ERBB4: variants seen among roughly 807,000 people sequenced by gnomAD.
ERBB4 encodes erb-b2 receptor tyrosine kinase 4.
Under a neutral mutation model 158.0 loss-of-function variants are expected in ERBB4, and 42 were observed. The ratio of observed to expected loss-of-function variants is 0.27; its 90% confidence interval spans 0.21 to 0.34. The LOEUF (loss-of-function observed/expected upper bound fraction) is 0.34. ERBB4 is among the 10% of genes least tolerant of loss of function. ERBB4 has a pLI of 1.00. For missense variants in ERBB4, 1,333 were observed against 1,624.1 expected (o/e 0.82, Z 3.08); for synonymous variants, 583 against 558.7 (o/e 1.04, Z -0.61).
At chr2:211,422,536 T>G (rs986663560) in intron 23 of ERBB4, among the ~76,000 whole-genome samples, 9 of 151,712 alleles carry the variant, frequency 5.9e-5, no homozygotes, top group Admixed American at 5.3e-4. Context: ...TAATGCCTGT[T>G]CAGCAATAGA....
At chr2:212,452,203 A>G (rs142130808) in intron 1 of ERBB4, among the ~76,000 whole-genome samples, 6 of 152,226 alleles carry the variant, frequency 3.9e-5, no homozygotes, top group African/African-American at 1.2e-4. Context: ...GACCTTGCAT[A>G]TTTTATTAAC....
intron 2 of ERBB4, among the ~76,000 whole-genome samples, chr2:212,014,212 G>C (rs980553244): frequency 6.6e-6 from 1 of 152,172 alleles, no homozygotes; most frequent in Non-Finnish European, 1.5e-5. Context: ...CAAAGTGGAA[G>C]ATTATAGAAT....
chr2:211,887,760 C>G (rs1575319725), intron 3 of ERBB4, among the ~76,000 whole-genome samples: 1 of 152,204 alleles, frequency 6.6e-6, no homozygotes, highest in East Asian at 1.9e-4. Flanking sequence ...ACTTGTAGTA[C>G]CTAAACATAC....
At chr2:211,825,984 A>T (rs2077092708) in intron 3 of ERBB4, among the ~76,000 whole-genome samples, 1 of 150,602 alleles carries the variant, frequency 6.6e-6, no homozygotes, top group African/African-American at 2.4e-5. Flanking sequence ...TCCAAGTTAG[A>T]CTAACATTTT....
chr2:211,960,227 T>C (rs1052783948), intron 2 of ERBB4, among the ~76,000 whole-genome samples: 22 of 152,128 alleles, frequency 1.4e-4, no homozygotes, highest in African/African-American at 4.6e-4. Flanking sequence ...TCATAGCAGA[T>C]AGTGAGGAAG....
At chr2:212,531,783 C>T (rs1692770941) in intron 1 of ERBB4, among the ~76,000 whole-genome samples, 2 of 152,114 alleles carry the variant, frequency 1.3e-5, no homozygotes, top group African/African-American at 4.8e-5. Flanking sequence ...ACAGATAGTA[C>T]TGTGGGCTCC....
chr2:211,393,765 G>A (rs1486754751), intron 25 of ERBB4, among the ~76,000 whole-genome samples: 2 of 149,260 alleles, frequency 1.3e-5, no homozygotes, highest in East Asian at 1.9e-4. Flanking sequence ...GTGTGTGTGT[G>A]TGTGTGTGTG....
intron 16 of ERBB4, among the ~76,000 whole-genome samples, chr2:211,655,003 TAA>T (rs1444762361): frequency 2.6e-5 from 4 of 152,346 alleles, no homozygotes; most frequent in African/African-American, 9.6e-5. Flanking sequence ...TGCTTTTGTT[TAA>T]ATTTTGAAAA....
At chr2:211,998,225 T>C in intron 2 of ERBB4, among the ~76,000 whole-genome samples, 1 of 151,774 alleles carries the variant, frequency 6.6e-6, no homozygotes. Flanking sequence ...ATATAACAAA[T>C]GAAATATTCT....
chr2:211,879,253 A>G (rs1007027224), intron 3 of ERBB4, among the ~76,000 whole-genome samples: 11 of 152,192 alleles, frequency 7.2e-5, no homozygotes, highest in African/African-American at 2.7e-4. Context: ...AAATCTAGAA[A>G]AACATATTTG....
At chr2:212,310,119 G>A (rs1322649774) in intron 1 of ERBB4, among the ~76,000 whole-genome samples, 1 of 150,456 alleles carries the variant, frequency 6.6e-6, no homozygotes, top group Non-Finnish European at 1.5e-5. Context: ...TTTTCATAAA[G>A]TCTAATATAG....
At chr2:212,433,941 CTTTAAG>C (rs964728518) in intron 1 of ERBB4, among the ~76,000 whole-genome samples, 3 of 151,916 alleles carry the variant, frequency 2.0e-5, no homozygotes, top group African/African-American at 7.2e-5. Context: ...CAAGGAGATA[CTTTAAG>C]TTTGAGAATT....
At chr2:212,205,961 T>TC (rs1162697564) in intron 1 of ERBB4, among the ~76,000 whole-genome samples, 7 of 152,204 alleles carry the variant, frequency 4.6e-5, no homozygotes, top group Admixed American at 1.3e-4. Context: ...TCTTCAAGTA[T>TC]CCTAACACAG....
At chr2:211,764,781 T>A (rs1300790565) in intron 4 of ERBB4, among the ~76,000 whole-genome samples, 4 of 152,074 alleles carry the variant, frequency 2.6e-5, no homozygotes, top group African/African-American at 9.7e-5. Context: ...AGAACACACA[T>A]AGGAAGACAA....
intron 20 of ERBB4, among the ~76,000 whole-genome samples, chr2:211,543,843 TAAA>T (rs781245393): frequency 7.1e-6 from 1 of 141,526 alleles, no homozygotes; most frequent in African/African-American, 2.6e-5. Context: ...AAATGCAAGT[TAAA>T]AAAAAAAAAG....
chr2:211,998,020 CAACA>C (rs2082241676), intron 2 of ERBB4, among the ~76,000 whole-genome samples: 1 of 151,576 alleles, frequency 6.6e-6, no homozygotes, highest in Admixed American at 6.6e-5. Context: ...AATCATCCCA[CAACA>C]GGCCCTGGTG....
At chr2:212,220,914 T>G in intron 1 of ERBB4, among the ~76,000 whole-genome samples, 1 of 151,588 alleles carries the variant, frequency 6.6e-6, no homozygotes, top group East Asian at 1.9e-4. Context: ...TTTGCTACTT[T>G]TGAGGTCTCT....
chr2:211,687,623 C>T (rs1340314900), intron 12 of ERBB4, among the ~76,000 whole-genome samples: 2 of 152,144 alleles, frequency 1.3e-5, no homozygotes, highest in African/African-American at 4.8e-5. Context: ...TCTGTCTTGT[C>T]TACCTGCCCC....
chr2:211,428,778 CACAATCTCAGCTCACT>C (rs943195478), intron 21 of ERBB4, among the ~76,000 whole-genome samples: 1 of 152,106 alleles, frequency 6.6e-6, no homozygotes, highest in Non-Finnish European at 1.5e-5. Flanking sequence ...AGTGCAATGG[CACAATCTCAGCTCACT>C]GCAATCTCTG....
Sources: gnomAD v4.1 joint callset for allele counts (sites outside exome capture counted in the v4.1 genomes callset) on GRCh38, gnomAD v4.1.1 for gene constraint, MANE v1.5 for transcripts, NCBI Gene and HGNC (gene_info 2026-07-23, HGNC 2026-07-21) for gene names.